The following PDE1C variants were observed in gnomAD, a reference collection of about 807,000 sequenced individuals.
The protein encoded by PDE1C is dual specificity calcium/calmodulin-dependent 3',5'-cyclic nucleotide phosphodiesterase 1C.
Under a neutral mutation model 93.1 loss-of-function variants are expected in PDE1C, and 62 were observed. That is an observed-to-expected ratio of 0.67 (90% CI 0.54 to 0.82). The LOEUF (loss-of-function observed/expected upper bound fraction) is 0.82, where lower values mean the gene tolerates loss of function less well. PDE1C is among the 40% of genes least tolerant of loss of function. The pLI is 0.00. For synonymous variants in PDE1C, 325 were observed against 310.1 expected, an observed-to-expected ratio of 1.05 and a Z score of -0.50; for missense variants, 742 against 884.6, an observed-to-expected ratio of 0.84 and a Z score of 2.04.
At chr7:31,631,836 G>T in the PDE1C span, among the ~76,000 whole-genome samples, 1 of 152,168 alleles carries the variant, frequency 6.6e-6, no homozygotes, top group Non-Finnish European at 1.5e-5. Context: ...AAAATAATTA[G>T]CTTGTCTCAG....
chr7:32,388,737 G>A, intron 1 of PDE1C, among the ~76,000 whole-genome samples: 1 of 148,072 alleles, frequency 6.8e-6, no homozygotes, highest in African/African-American at 2.5e-5. Context: ...AGTGTATACA[G>A]TGTATATTTT....
chr7:32,089,276 T>C (rs1265730885), intron 3 of PDE1C, among the ~76,000 whole-genome samples: 1 of 152,184 alleles, frequency 6.6e-6, no homozygotes, highest in African/African-American at 2.4e-5. Flanking sequence ...ACATTGAAGC[T>C]TTAAGTAACT....
At chr7:32,041,736 G>A (rs1201936354) in intron 2 of PDE1C, among the ~76,000 whole-genome samples, 2 of 152,176 alleles carry the variant, frequency 1.3e-5, no homozygotes, top group Non-Finnish European at 2.9e-5. Context: ...TGGTGGTGGA[G>A]GTGAGGATTT....
At chr7:31,910,540 T>C (rs1801093864) in intron 2 of PDE1C, among the ~76,000 whole-genome samples, 1 of 152,208 alleles carries the variant, frequency 6.6e-6, no homozygotes, top group Non-Finnish European at 1.5e-5. Context: ...TTTCAAAAGC[T>C]AGTAGCACAG....
intron 1 of PDE1C, among the ~76,000 whole-genome samples, chr7:32,256,695 G>C (rs532192882): frequency 1.3e-5 from 2 of 152,198 alleles, no homozygotes; most frequent in African/African-American, 2.4e-5. Flanking sequence ...ACTGAATAGA[G>C]AGTAATGTGG....
chr7:32,207,746 T>C (rs907592542), intron 2 of PDE1C, among the ~76,000 whole-genome samples: 3 of 152,218 alleles, frequency 2.0e-5, no homozygotes, highest in Non-Finnish European at 4.4e-5. Context: ...CATCATCCTT[T>C]CAACCCAGTC....
chr7:32,354,256 C>T (rs924805714), intron 1 of PDE1C, among the ~76,000 whole-genome samples: 3 of 152,146 alleles, frequency 2.0e-5, no homozygotes, highest in African/African-American at 7.2e-5. Context: ...GGAGAAACCT[C>T]TTTTTCCCTT....
chr7:31,835,555 TGC>T (rs373834860), intron 11 of PDE1C, among the ~76,000 whole-genome samples: 7 of 143,436 alleles, frequency 4.9e-5, no homozygotes, highest in Non-Finnish European at 9.3e-5. Context: ...TGTGTGTGTG[TGC>T]GTGCATGTGC....
intron 1 of PDE1C, among the ~76,000 whole-genome samples, chr7:32,420,130 C>T (rs1441285172): frequency 0.075 from 934 of 12,474 alleles, 120 homozygotes; most frequent in Non-Finnish European, 0.12. Context: ...TATATACACA[C>T]ACACACACAC....
chr7:31,869,615 T>G (rs944064388), intron 6 of PDE1C, among the ~76,000 whole-genome samples: 3 of 152,012 alleles, frequency 2.0e-5, no homozygotes, highest in African/African-American at 7.2e-5. Context: ...AGCACCCAGA[T>G]GTATAAAGCA....
At chr7:32,299,950 T>G (rs534179091), upstream of PDE1C, among the ~76,000 whole-genome samples, 1 of 152,340 alleles carries the variant, frequency 6.6e-6, no homozygotes, top group East Asian at 1.9e-4. Context: ...TAATTTAGCC[T>G]CATTTTTGTG....
chr7:31,926,126 C>T (rs192247793), intron 2 of PDE1C, among the ~76,000 whole-genome samples: 2 of 152,210 alleles, frequency 1.3e-5, no homozygotes, highest in East Asian at 3.9e-4. Flanking sequence ...ACCCTACACA[C>T]GTCTGTACAT....
At chr7:31,964,551 G>A (rs975551388) in intron 2 of PDE1C, among the ~76,000 whole-genome samples, 3 of 152,222 alleles carry the variant, frequency 2.0e-5, no homozygotes, top group Admixed American at 6.5e-5. Flanking sequence ...ACAAACAAAA[G>A]GCAGAAGTAA....
upstream of PDE1C, chr7:32,070,582 C>G: frequency 7.0e-7 from 1 of 1,430,868 alleles, no homozygotes; most frequent in Non-Finnish European, 9.1e-7. Flanking sequence ...CAAACCATGG[C>G]CCCAGGTGCG....
At chr7:32,361,559 C>T (rs170012) in intron 1 of PDE1C, among the ~76,000 whole-genome samples, 125,224 of 152,218 alleles carry the variant, frequency 0.82, 52,203 homozygotes, top group East Asian at 0.89. Flanking sequence ...ACATGCCACG[C>T]ATGCCCACCA....
chr7:31,708,080 A>C, the PDE1C span: 1 of 152,248 alleles, frequency 6.6e-6, no homozygotes, highest in Non-Finnish European at 1.5e-5. Flanking sequence ...TAAAAAAATT[A>C]AGGTCAATGA....
At chr7:31,707,640 T>C in the PDE1C span, 1 of 211,680 alleles carries the variant, frequency 4.7e-6, no homozygotes. Context: ...TCTTGGTTTT[T>C]GCTGCTGGGC....
intron 2 of PDE1C, among the ~76,000 whole-genome samples, chr7:31,886,881 G>GAATAGATCTATTC (rs1583793857): frequency 4.7e-3 from 69 of 14,580 alleles, no homozygotes; most frequent in East Asian, 6.4e-3. Flanking sequence ...GATCTATTCA[G>GAATAGATCTATTC]GGGCGTGTCA....
chr7:32,141,203 T>C (rs1800501438), intron 3 of PDE1C, among the ~76,000 whole-genome samples: 1 of 152,158 alleles, frequency 6.6e-6, no homozygotes, highest in Non-Finnish European at 1.5e-5. Context: ...AATAAGAGTA[T>C]GGAAAGGACA....
Sources: gnomAD v4.1 joint callset for allele counts (sites outside exome capture counted in the v4.1 genomes callset) on GRCh38, gnomAD v4.1.1 for gene constraint, MANE v1.5 for transcripts, NCBI Gene and HGNC (gene_info 2026-07-23, HGNC 2026-07-21) for gene names.